Variants in CPNE8 observed in about 807,000 individuals in gnomAD.
The protein encoded by CPNE8 is copine 8.
A neutral mutation model predicts 81.5 loss-of-function variants in CPNE8; 45 were observed. That is an observed-to-expected ratio of 0.55 (90% CI 0.44 to 0.71). The LOEUF (loss-of-function observed/expected upper bound fraction) is 0.71, where lower values mean the gene tolerates loss of function less well. CPNE8 is among the 30% of genes least tolerant of loss of function. The pLI, the probability that CPNE8 is intolerant of heterozygous loss-of-function variation, is 0.00. For missense variants in CPNE8, 594 were observed against 672.1 expected (o/e 0.88, Z 1.28); for synonymous variants, 252 against 226.3 (o/e 1.11, Z -1.02).
At chr12:38,754,427 T>C (rs1941416841) in intron 10 of CPNE8, among the ~76,000 whole-genome samples, 1 of 151,978 alleles carries the variant, frequency 6.6e-6, no homozygotes, top group Non-Finnish European at 1.5e-5. Context: ...GGATATATAT[T>C]AAAAAAACAC....
intron 3 of CPNE8, among the ~76,000 whole-genome samples, chr12:38,871,039 T>C (rs186877192): frequency 1.7e-3 from 252 of 152,226 alleles, no homozygotes; most frequent in Non-Finnish European, 2.8e-3. Flanking sequence ...ATCTTTATTA[T>C]AAAAATTGTA....
chr12:38,794,794 G>T (rs201497638), intron 6 of CPNE8, among the ~76,000 whole-genome samples: 15 of 152,130 alleles, frequency 9.9e-5, no homozygotes, highest in Admixed American at 8.5e-4. Context: ...CAACTTGATT[G>T]GTTGAAGAAT....
At chr12:38,746,235 G>T (rs929720612) in intron 10 of CPNE8, among the ~76,000 whole-genome samples, 6 of 152,060 alleles carry the variant, frequency 3.9e-5, no homozygotes, top group African/African-American at 1.4e-4. Context: ...ATTTTAGGAG[G>T]TAGGTGATAA....
chr12:38,772,000 G>A (rs1668921799), intron 7 of CPNE8, among the ~76,000 whole-genome samples: 1 of 152,310 alleles, frequency 6.6e-6, no homozygotes, highest in East Asian at 1.9e-4. Flanking sequence ...AGGTGTTTGG[G>A]TTATGGGTGT....
chr12:38,663,977 G>T (rs1020888676), intron 19 of CPNE8, among the ~76,000 whole-genome samples: 1 of 152,036 alleles, frequency 6.6e-6, no homozygotes, highest in Non-Finnish European at 1.5e-5. Flanking sequence ...GGGAAGGATA[G>T]GTGGGGAAAG....
chr12:38,752,593 A>G (rs982867101), intron 10 of CPNE8, among the ~76,000 whole-genome samples: 13 of 152,314 alleles, frequency 8.5e-5, no homozygotes, highest in African/African-American at 3.1e-4. Flanking sequence ...TAACCTCACA[A>G]CAGAATAAAA....
chr12:38,842,376 C>G (rs1943483769), intron 4 of CPNE8, among the ~76,000 whole-genome samples: 1 of 151,870 alleles, frequency 6.6e-6, no homozygotes, highest in African/African-American at 2.4e-5. Flanking sequence ...GAAATGACAT[C>G]GAATGTTCAA....
chr12:38,858,987 A>G (rs1182204203), intron 3 of CPNE8, among the ~76,000 whole-genome samples: 1 of 152,256 alleles, frequency 6.6e-6, no homozygotes, highest in Non-Finnish European at 1.5e-5. Flanking sequence ...GCCTACGGCA[A>G]CATCATACTC....
chr12:38,710,913 C>G (rs1046687352), intron 13 of CPNE8, among the ~76,000 whole-genome samples: 40 of 152,168 alleles, frequency 2.6e-4, no homozygotes, highest in African/African-American at 8.9e-4. Flanking sequence ...ACCTCCTGCC[C>G]TTGCTAAGCT....
At chr12:38,834,170 C>T (rs1018721569) in intron 5 of CPNE8, among the ~76,000 whole-genome samples, 1 of 152,176 alleles carries the variant, frequency 6.6e-6, no homozygotes, top group Non-Finnish European at 1.5e-5. Flanking sequence ...CTCTTCTTCC[C>T]TCAAGATTCT....
chr12:38,724,725 A>C, intron 12 of CPNE8, 121 bp downstream of exon 12: 1 of 645,914 alleles, frequency 1.5e-6, no homozygotes. Flanking sequence ...TTCATATTAA[A>C]ACCCTGAGTG....
At chr12:38,877,609 A>G (rs188086692) in intron 1 of CPNE8, among the ~76,000 whole-genome samples, 1 of 152,298 alleles carries the variant, frequency 6.6e-6, no homozygotes, top group East Asian at 1.9e-4. Context: ...AGTTAGAAAA[A>G]TTATCTGATG....
At chr12:38,864,070 A>G (rs1284673068) in intron 3 of CPNE8, among the ~76,000 whole-genome samples, 1 of 151,852 alleles carries the variant, frequency 6.6e-6, no homozygotes, top group Non-Finnish European at 1.5e-5. Flanking sequence ...AAAAAAAAAA[A>G]AAAGAAAAAA....
chr12:38,766,437 C>G (rs1941691554), intron 8 of CPNE8, among the ~76,000 whole-genome samples: 1 of 152,070 alleles, frequency 6.6e-6, no homozygotes, highest in Non-Finnish European at 1.5e-5. Flanking sequence ...AATTAGTGTT[C>G]AGATGCTATG....
At chr12:38,715,992 A>G (rs1283203688) in intron 13 of CPNE8, among the ~76,000 whole-genome samples, 1 of 152,096 alleles carries the variant, frequency 6.6e-6, no homozygotes, top group Non-Finnish European at 1.5e-5. Context: ...ACTGCTGTAC[A>G]CTAACAGTGA....
At chr12:38,809,859 G>C (rs937235525) in intron 6 of CPNE8, among the ~76,000 whole-genome samples, 6 of 152,114 alleles carry the variant, frequency 3.9e-5, no homozygotes, top group Non-Finnish European at 5.9e-5. Flanking sequence ...CAGATTATCT[G>C]CTTCCAACAC....
chr12:38,877,631 C>A (rs1944086555), intron 1 of CPNE8, among the ~76,000 whole-genome samples: 1 of 152,004 alleles, frequency 6.6e-6, no homozygotes, highest in Non-Finnish European at 1.5e-5. Flanking sequence ...AATATCTAAT[C>A]AAAATTATAA....
chr12:38,898,603 A>G (rs1405140136), intron 1 of CPNE8, among the ~76,000 whole-genome samples: 2 of 152,202 alleles, frequency 1.3e-5, no homozygotes, highest in East Asian at 3.9e-4. Flanking sequence ...TTATCAACTA[A>G]CAACATCACT....
At chr12:38,875,507 G>A (rs551667237) in intron 1 of CPNE8, among the ~76,000 whole-genome samples, 8 of 151,998 alleles carry the variant, frequency 5.3e-5, no homozygotes, top group South Asian at 2.1e-4. Flanking sequence ...TAAAAATCTC[G>A]TGTTCAAGCT....
Sources: allele counts gnomAD v4.1 joint callset (sites outside exome capture counted in the v4.1 genomes callset), GRCh38; gene constraint gnomAD v4.1.1; transcripts MANE v1.5; gene names NCBI Gene and HGNC (gene_info 2026-07-23, HGNC 2026-07-21).